Variants in TBK1 observed in about 807,000 individuals in gnomAD.
TBK1 encodes the protein TANK binding kinase 1.
TBK1 carries 37 observed loss-of-function variants against 99.9 expected under a neutral mutation model. That is an observed-to-expected ratio of 0.37 (90% CI 0.28 to 0.49). The LOEUF (loss-of-function observed/expected upper bound fraction) is 0.49. Among genes scored for constraint, TBK1 ranks in the 20% least tolerant of loss-of-function variants. The pLI is 0.98. For missense variants in TBK1, 644 were observed against 872.5 expected, an observed-to-expected ratio of 0.74 and a Z score of 3.30; for synonymous variants, 258 against 279.8, an observed-to-expected ratio of 0.92 and a Z score of 0.78.
intron 13 of TBK1, among the ~76,000 whole-genome samples, chr12:64,492,002 TGTG>T (rs1242395408): frequency 6.6e-6 from 1 of 152,234 alleles, no homozygotes; most frequent in Non-Finnish European, 1.5e-5. Context: ...TACTATGAGT[TGTG>T]GTCAGGAAAG....
chr12:64,456,953 A>G (rs928057827), intron 2 of TBK1, among the ~76,000 whole-genome samples: 3 of 152,202 alleles, frequency 2.0e-5, no homozygotes, highest in African/African-American at 7.2e-5. Context: ...TATTCTGGGA[A>G]AAAGCTGGAG....
chr12:64,473,000 A>G (rs946818295), intron 5 of TBK1, among the ~76,000 whole-genome samples: 7 of 152,166 alleles, frequency 4.6e-5, no homozygotes, highest in African/African-American at 1.7e-4. Flanking sequence ...AGAGAATTTA[A>G]TTTCATTAAA....
At chr12:64,476,348 C>T (rs950969056) in intron 6 of TBK1, among the ~76,000 whole-genome samples, 4 of 151,094 alleles carry the variant, frequency 2.6e-5, no homozygotes, top group African/African-American at 7.3e-5. Flanking sequence ...TTAGTAGAGA[C>T]GGGGTTTCAC....
intron 6 of TBK1, among the ~76,000 whole-genome samples, chr12:64,479,612 C>T (rs1183022300): frequency 6.6e-6 from 1 of 152,102 alleles, no homozygotes; most frequent in Non-Finnish European, 1.5e-5. Context: ...TCTGCAGAAA[C>T]TTTAGTTGTG....
chr12:64,465,242 C>CAAAAAAAAAAAA (rs57575805), intron 4 of TBK1, among the ~76,000 whole-genome samples: 5 of 57,896 alleles, frequency 8.6e-5, no homozygotes, highest in Admixed American at 2.7e-4. Flanking sequence ...AAGACTATCT[C>CAAAAAAAAAAAA]AAAAAAAAAA....
At chr12:64,487,656 A>G (rs1486926567) in intron 11 of TBK1, among the ~76,000 whole-genome samples, 1 of 152,184 alleles carries the variant, frequency 6.6e-6, no homozygotes, top group Non-Finnish European at 1.5e-5. Flanking sequence ...TTATAGTCCA[A>G]TAAGTCATGA....
chr12:64,484,563 C>T, intron 9 of TBK1, 64 bp downstream of exon 9: 2 of 1,473,478 alleles, frequency 1.4e-6, no homozygotes, highest in Non-Finnish European at 1.8e-6. Context: ...GCCTGGGCAA[C>T]ATAGTGAGAC....
intron 5 of TBK1, 96 bp downstream of exon 5, chr12:64,467,178 TTTTTATGAC>T: frequency 1.0e-6 from 1 of 986,756 alleles, no homozygotes; most frequent in African/African-American, 1.7e-5. Flanking sequence ...TAAAATGTCA[TTTTTATGAC>T]AAAAATTAAA....
At chr12:64,491,130 A>T (rs553587237) in intron 13 of TBK1, among the ~76,000 whole-genome samples, 19 of 152,226 alleles carry the variant, frequency 1.2e-4, no homozygotes, top group African/African-American at 3.9e-4. Flanking sequence ...AGAAGTGCGC[A>T]GGTTTATATA....
intron 6 of TBK1, 68 bp downstream of exon 6, chr12:64,474,458 T>C (rs1276175093): frequency 6.9e-7 from 1 of 1,441,154 alleles, no homozygotes; most frequent in Non-Finnish European, 9.5e-7. Flanking sequence ...GTTCATCTTA[T>C]TGTTAGTGGT....
intron 7 of TBK1, among the ~76,000 whole-genome samples, chr12:64,481,220 A>C (rs2040764803): frequency 6.6e-6 from 1 of 152,114 alleles, no homozygotes; most frequent in Non-Finnish European, 1.5e-5. Context: ...GGGCTCAGAA[A>C]ATGAACACTT....
chr12:64,458,133 A>G (rs1199645514), intron 2 of TBK1, among the ~76,000 whole-genome samples: 2 of 151,720 alleles, frequency 1.3e-5, no homozygotes, highest in Non-Finnish European at 1.5e-5. Context: ...ACACACACGA[A>G]AAAGATTGCC....
intron 1 of TBK1, among the ~76,000 whole-genome samples, chr12:64,454,534 A>C (rs2040463514): frequency 6.6e-6 from 1 of 151,838 alleles, no homozygotes. Flanking sequence ...GGCATGGGCC[A>C]CTGCACCCGG....
chr12:64,495,295 T>C, intron 13 of TBK1, 188 bp from the exon 14 acceptor site: 1 of 590,068 alleles, frequency 1.7e-6, no homozygotes, highest in Non-Finnish European at 2.8e-6. Context: ...TGTTTTATTA[T>C]CATACTGTAC....
intron 13 of TBK1, among the ~76,000 whole-genome samples, chr12:64,492,498 G>C (rs2040878988): frequency 6.6e-6 from 1 of 151,846 alleles, no homozygotes; most frequent in African/African-American, 2.4e-5. Context: ...TAGAGAAGTG[G>C]TTTCTCCATG....
chr12:64,497,611 G>A, intron 18 of TBK1, 37 bp from the exon 19 acceptor site: 1 of 1,173,720 alleles, frequency 8.5e-7, no homozygotes, highest in Non-Finnish European at 1.2e-6. Flanking sequence ...GATTAATGTG[G>A]GGTTTTTTTC....
chr12:64,481,809 C>T (rs369821427), intron 7 of TBK1, 33 bp from the exon 8 acceptor site: 1 of 1,458,120 alleles, frequency 6.9e-7, no homozygotes, highest in Non-Finnish European at 9.1e-7. Context: ...ATGATATATT[C>T]ACTCTTCAAG....
rs11358053 is a variant in TBK1, at chr12:64,454,672, C to CTTTTT, written c.-31-1150_-31-1146dup. ...CTTGAATATTGCTAGAAACTCAGAT[C>CTTTTT]TTTTTTTTTTTTTTTTTTTTTTGAG... On this transcript the variant is annotated intron_variant, in intron 1 of 20. Coordinates refer to ENST00000331710, the MANE Select transcript of TBK1 (RefSeq NM_013254.4). Among the ~76,000 whole-genome samples, 39 of 83,648 alleles carry CTTTTT rather than the reference C, an allele frequency of 4.7e-4. 1 individual carries two copies. The highest frequency in any genetic ancestry group is 1.0e-3 in the Admixed American group (6 of 5,756). 54.9% of individuals were successfully genotyped at this position (83,648 alleles called of 152,430 possible).
At chr12:64,478,021 T>C (rs1386300733) in intron 6 of TBK1, among the ~76,000 whole-genome samples, 1 of 152,362 alleles carries the variant, frequency 6.6e-6, no homozygotes, top group East Asian at 1.9e-4. Context: ...CACATACACA[T>C]AAAACTATGA....
Sources: gnomAD v4.1 joint callset for allele counts (sites outside exome capture counted in the v4.1 genomes callset) on GRCh38, gnomAD v4.1.1 for gene constraint, MANE v1.5 for transcripts, NCBI Gene and HGNC (gene_info 2026-07-23, HGNC 2026-07-21) for gene names.